HPN: variants seen among roughly 807,000 people sequenced by gnomAD.
The protein encoded by HPN is serine protease hepsin.
In HPN, 13 loss-of-function variants were observed where a neutral mutation model predicts 55.9. That is an observed-to-expected ratio of 0.23 (90% CI 0.15 to 0.37). The LOEUF is 0.37. Ranked by LOEUF, HPN falls within the 10% of genes least tolerant of loss-of-function variation. The pLI, the probability that HPN is intolerant of heterozygous loss-of-function variation, is 1.00. For missense variants in HPN, 451 were observed against 575.8 expected (o/e 0.78, Z 2.22); for synonymous variants, 225 against 240.3 (o/e 0.94, Z 0.59).
At chr19:35,053,324 A>G (rs572897402) in intron 4 of HPN, among the ~76,000 whole-genome samples, 219 of 152,268 alleles carry the variant, frequency 1.4e-3, no homozygotes, top group African/African-American at 4.9e-3. Context: ...TCATTTTAAA[A>G]TAAGAATCCA....
chr19:35,053,030 CT>C (rs898797855), intron 4 of HPN, among the ~76,000 whole-genome samples: 3 of 151,574 alleles, frequency 2.0e-5, no homozygotes, highest in Admixed American at 6.6e-5. Flanking sequence ...CCCCACCTCG[CT>C]TTTTTTTTCC....
chr19:35,060,990 T>C (rs754706290), intron 9 of HPN, among the ~76,000 whole-genome samples, 173 bp downstream of exon 9: 2 of 152,212 alleles, frequency 1.3e-5, no homozygotes, highest in South Asian at 2.1e-4. Context: ...TGCAGCCAAT[T>C]TGGAAAATTT....
intron 4 of HPN, among the ~76,000 whole-genome samples, chr19:35,058,105 A>G (rs1273312054): frequency 6.6e-6 from 1 of 151,322 alleles, no homozygotes; most frequent in African/African-American, 2.4e-5. Flanking sequence ...GTGAGCTGAG[A>G]TTGCACCACT....
At chr19:35,062,623 A>G (rs1349973629) in intron 9 of HPN, among the ~76,000 whole-genome samples, 2 of 152,156 alleles carry the variant, frequency 1.3e-5, no homozygotes, top group Non-Finnish European at 2.9e-5. Flanking sequence ...AATAATAAAA[A>G]TAGGCTGGGC....
chr19:35,065,391 G>T (rs1247706350), intron 10 of HPN, 46 bp downstream of exon 10: 1 of 1,584,722 alleles, frequency 6.3e-7, no homozygotes, highest in Admixed American at 1.7e-5. Context: ...GGGAGACTCT[G>T]AACTAGGCTG....
Position 35,049,451 on chromosome 19 carries a change from C to T in HPN, c.119-24C>T, listed in dbSNP as rs369410460. 9.3e-6 allele frequency: 15 copies of T among 1,612,922 alleles called. No individual in the cohort carries two copies. The Admixed American group carries it at 2.2e-4, about 23-fold the overall frequency. ...GCCCCTGCAGCCTCCAGCCTGCCTG[C>T]CCTCACCCCTCCCTTCTCTGCAGTG... is the stretch of plus-strand genomic sequence containing the variant. On this transcript the variant is annotated intron_variant, in intron 3 of 12. Transcript: ENST00000672452.
Position 35,041,814 on chromosome 19 carries a change from G to A in HPN, c.-113G>A, listed in dbSNP as rs1406419657. On this transcript the variant is annotated 5_prime_UTR_variant, in exon 1 of 13. Transcript: ENST00000672452. ...GCCACCATGCTCCTGCCCAGGCCTG[G>A]AGACTGACCCGACCCCGGCACTACC... is the stretch of plus-strand genomic sequence containing the variant. 1 of 1,340,614 alleles carries A rather than the reference G, an allele frequency of 7.5e-7. No homozygotes were observed. Among genetic ancestry groups the A allele is most frequent in the Non-Finnish European group, 9.8e-7 (1 of 1,017,106 alleles). 83.0% of individuals were successfully genotyped at this position (1,340,614 alleles called of 1,614,324 possible).
At chr19:35,060,311 C>A in intron 7 of HPN, 36 bp from the exon 8 acceptor site, 1 of 1,606,488 alleles carries the variant, frequency 6.2e-7, no homozygotes, top group Non-Finnish European at 8.5e-7. Context: ...GGCTCCAGTC[C>A]CCTGTCGCCG....
rs1289574500 is a variant in HPN, at chr19:35,060,633, C to T, written c.627C>T (p.Asn209=). 2 of 1,613,904 alleles carry T rather than the reference C, an allele frequency of 1.2e-6. No individual in the cohort carries two copies. Among genetic ancestry groups the T allele is most frequent in the Non-Finnish European group, 1.7e-6 (2 of 1,180,038 alleles). ...CCACCCCTTTCCCTGGTAGGCGGAA[C>T]CGGGTCCTGTCCCGATGGCGAGTGT... ...LTAAHCFPER[N]RVLSRWRVFA... Residue 209 remains asparagine, a synonymous_variant, in exon 9 of 13, where the codon AAC becomes AAT. Transcript: ENST00000672452.
chr19:35,044,632 C>T (rs771910508), intron 2 of HPN, among the ~76,000 whole-genome samples: 1 of 152,136 alleles, frequency 6.6e-6, no homozygotes, highest in Non-Finnish European at 1.5e-5. Context: ...TCTCTGGTAC[C>T]TGATAGTGAC....
At chr19:35,049,690 C>T (rs149054518) in intron 4 of HPN, among the ~76,000 whole-genome samples, 174 bp downstream of exon 4, 4 of 152,286 alleles carry the variant, frequency 2.6e-5, no homozygotes, top group African/African-American at 9.6e-5. Flanking sequence ...CTAAGCACCC[C>T]ACATGTCTAA....
intron 9 of HPN, among the ~76,000 whole-genome samples, chr19:35,063,443 TC>T (rs1208711135): frequency 2.0e-5 from 3 of 152,246 alleles, no homozygotes; most frequent in Non-Finnish European, 4.4e-5. Context: ...ACATGGTGGC[TC>T]ACGCCTGTAA....
At position 35,060,614 on chromosome 19, in the gene HPN, C is replaced by T. The variant is rs2064519355; in HGVS notation, c.621-13C>T. 3.7e-6 allele frequency: 6 copies of T among 1,613,342 alleles called. No homozygotes were observed. Among genetic ancestry groups the T allele is most frequent in the Non-Finnish European group, 4.2e-6 (5 of 1,180,026 alleles). ...CCAGGCAGGTGGCCACCCTCCACCC[C>T]TTTCCCTGGTAGGCGGAACCGGGTC... On this transcript the variant is annotated splice_polypyrimidine_tract_variant and intron_variant, in intron 8 of 12. Transcript: ENST00000672452.
At chr19:35,047,989 CAA>C (rs1226688861) in intron 2 of HPN, among the ~76,000 whole-genome samples, 8 of 37,974 alleles carry the variant, frequency 2.1e-4, no homozygotes, top group East Asian at 7.9e-4. Flanking sequence ...AACCCTGTCT[CAA>C]AAAAAAAAAA....
chr19:35,050,619 A>G (rs1396899625), intron 4 of HPN: 29 of 940,716 alleles, frequency 3.1e-5, no homozygotes, highest in Non-Finnish European at 4.2e-5. Flanking sequence ...CCAAATGCCA[A>G]CTTCAAGCTG....
At chr19:35,059,493 A>T (rs76790925) in intron 4 of HPN, 180 bp from the exon 5 acceptor site, 3 of 783,264 alleles carry the variant, frequency 3.8e-6, no homozygotes, top group Non-Finnish European at 6.5e-6. Context: ...AAAAAAAAAA[A>T]GTCCTTGAGT....
At chr19:35,053,372 G>A (rs2064423267) in intron 4 of HPN, among the ~76,000 whole-genome samples, 1 of 152,146 alleles carries the variant, frequency 6.6e-6, no homozygotes, top group African/African-American at 2.4e-5. Context: ...CAAACTCCAA[G>A]CCTTGGCTTT....
chr19:35,049,437 C>T (rs1213664619), intron 3 of HPN, 38 bp from the exon 4 acceptor site: 1 of 1,613,162 alleles, frequency 6.2e-7, no homozygotes, highest in Non-Finnish European at 8.5e-7. Flanking sequence ...CCCCTGCAGC[C>T]TCCAGCCTGC....
At chr19:35,065,797 C>T in intron 11 of HPN, 71 bp from the exon 12 acceptor site, 3 of 1,536,950 alleles carry the variant, frequency 2.0e-6, no homozygotes, top group Non-Finnish European at 1.8e-6. Context: ...GGCCACAGCC[C>T]ATGTCATCCC....
Sources: gnomAD v4.1 joint callset for allele counts (sites outside exome capture counted in the v4.1 genomes callset) on GRCh38, gnomAD v4.1.1 for gene constraint, MANE v1.5 for transcripts, NCBI Gene and HGNC (gene_info 2026-07-23, HGNC 2026-07-21) for gene names.